The following ARID1A variants were observed in gnomAD, a reference collection of about 807,000 sequenced individuals.
The protein encoded by ARID1A is AT-rich interaction domain 1A.
A neutral mutation model predicts 212.6 loss-of-function variants in ARID1A; 20 were observed. The observed-to-expected ratio is 0.09, with a 90% CI of 0.07 to 0.14. ARID1A has a LOEUF of 0.14. ARID1A is among the 10% of genes least tolerant of loss of function. The pLI is 1.00. For synonymous variants in ARID1A, 1,376 were observed against 1,222.1 expected (o/e 1.13, Z -2.63); for missense variants, 2,587 against 3,059.0 (o/e 0.85, Z 3.64).
chr1:26,780,863 C>T lies in ARID1A; in HGVS notation c.*107C>T. ...AAAACCACCTCAGAATCCAGTTTAC[C>T]CTGTGCTGTCCAGCTTCTCCCTTGG... On this transcript the variant is annotated 3_prime_UTR_variant, in exon 20 of 20. Coordinates refer to ENST00000324856, the MANE Select transcript of ARID1A (RefSeq NM_006015.6). This position sits in a 1 kb window ranked among gnomAD's most constrained non-coding sequence, Gnocchi z 7.2. 7.0e-7 allele frequency: 1 copy of T among 1,423,346 alleles called. No homozygotes were observed. Among genetic ancestry groups the T allele is most frequent in the Non-Finnish European group, 9.4e-7 (1 of 1,065,440 alleles). The allele number at this position is 1,423,346 out of a possible 1,614,324, so 88.2% of individuals were successfully genotyped here. A position where few individuals can be genotyped will look rare whatever the true frequency, so the allele number is the denominator to read the frequency against.
rs1004894517 is a variant in ARID1A at position 26,709,647 on chromosome 1, T to A, written c.1137+12107T>A. Among the ~76,000 whole-genome samples the A allele has an allele frequency of 6.1e-5, 9 of 148,160 alleles. 1 individual carries two copies. The South Asian group carries it at 1.3e-3, about 21-fold the overall frequency. Reference sequence around the variant, plus strand: ...AATGCTTTTTTTTTTTTTTTTTTTTTAAACTAAAATTTGTTTAGAGACAGG... The same window carrying A: ...AATGCTTTTTTTTTTTTTTTTTTTTAAAACTAAAATTTGTTTAGAGACAGG... On this transcript the variant is annotated intron_variant, in intron 1 of 19. Transcript: ENST00000324856.
intron 4 of ARID1A, among the ~76,000 whole-genome samples, chr1:26,734,474 T>C (rs1313234983): frequency 6.6e-6 from 1 of 152,124 alleles, no homozygotes; most frequent in Non-Finnish European, 1.5e-5. Context: ...GGCAGCCTTT[T>C]AGGCCCAGGG....
chr1:26,716,452 A>T (rs748686675), intron 1 of ARID1A, among the ~76,000 whole-genome samples: 22 of 152,102 alleles, frequency 1.4e-4, no homozygotes, highest in Non-Finnish European at 1.9e-4. Flanking sequence ...CTGTTTTTTT[A>T]AATTTTTATT....
At chr1:26,728,333 C>G (rs2080638348) in intron 1 of ARID1A, among the ~76,000 whole-genome samples, 1 of 152,160 alleles carries the variant, frequency 6.6e-6, no homozygotes, top group South Asian at 2.1e-4. Flanking sequence ...TCTACTTCCT[C>G]TACTATAAAA....
In ARID1A at chr1:26,696,460, G is replaced by A. The variant is rs1193944607; in HGVS notation, c.57G>A (p.Pro19=). ...GCAGCCTGGGCAACCCGCCGCCGCC[G>A]CCGCCCTCGGAGCTGAAGAAAGCCG... is the stretch of plus-strand genomic sequence containing the variant. ...AASSLGNPPP[P]PPSELKKAEQ... is the part of the protein sequence containing the mutation. The change falls in exon 1 of 20, where the codon CCG becomes CCA. Residue 19 remains proline, a synonymous_variant. Transcript: ENST00000324856. 5.4e-6 allele frequency: 7 copies of A among 1,288,274 alleles called. No individual in the cohort carries two copies. In the South Asian group the frequency reaches 7.1e-5, roughly 13 times the overall value. The allele number at this position is 1,288,274 out of a possible 1,614,324, so 79.8% of individuals were successfully genotyped here. A position where few individuals can be genotyped will look rare whatever the true frequency, so the allele number is the denominator to read the frequency against.
intron 5 of ARID1A, 81 bp from the exon 6 acceptor site, chr1:26,761,302 AT>A: frequency 2.6e-6 from 4 of 1,553,890 alleles, no homozygotes; most frequent in Non-Finnish European, 3.5e-6. Context: ...TTCATGAGCC[AT>A]TTCTAGCTCT....
Position 26,781,778 on chromosome 1 carries a change from G to GT in ARID1A, c.*1023dup, listed in dbSNP as rs1408513780. 2 of 233,580 alleles carry GT rather than the reference G, an allele frequency of 8.6e-6. No individual in the cohort carries two copies. The highest frequency in any genetic ancestry group is 1.7e-5 in the Non-Finnish European group (2 of 118,060). The allele number at this position is 233,580 out of a possible 1,614,324, so 14.5% of individuals were successfully genotyped here. ...ATATCGCCCCTCTTGGTGCGATGCT[G>GT]TACAGGTCTCTGTAAAAAGTCCTTG... is the stretch of plus-strand genomic sequence containing the variant. On this transcript the variant is annotated 3_prime_UTR_variant, in exon 20 of 20. Coordinates refer to ENST00000324856, the MANE Select transcript of ARID1A (RefSeq NM_006015.6).
chr1:26,696,880 T>TGCCGTC lies in ARID1A; in HGVS notation c.482_487dup (p.Val161_Ala162dup), dbSNP rs2080268463. The TGCCGTC allele has an allele frequency of 1.5e-6, 2 of 1,358,384 alleles. No individual in the cohort carries two copies. The highest frequency in any genetic ancestry group is 3.1e-5 in the East Asian group (1 of 32,720). 84.1% of individuals were successfully genotyped at this position (1,358,384 alleles called of 1,614,324 possible). ...GGCAACCCTACGGCCGGAGCCCGTC[T>TGCCGTC]GCCGTCGCCGCCGCCGCGGCCGCCG... On this transcript the variant is annotated inframe_insertion, in exon 1 of 20. Coordinates refer to ENST00000324856, the MANE Select transcript of ARID1A (RefSeq NM_006015.6).
Position 26,780,271 on chromosome 1 carries a change from C to T in ARID1A, c.6373C>T (p.Leu2125Phe), listed in dbSNP as rs2124148416. 1 of 1,614,230 alleles carries T rather than the reference C, an allele frequency of 6.2e-7. No homozygotes were observed. Among genetic ancestry groups the T allele is most frequent in the Non-Finnish European group, 8.5e-7 (1 of 1,180,042 alleles). The stretch of plus-strand genomic sequence containing the variant: ...ACTGGTCTTGGAAACCCTCAGCAAA[C>T]TCAGCATCCAGGACAACAATGTGGA... ...QRLVLETLSK[L>F]SIQDNNVDLI... Residue 2125 changes from leucine to phenylalanine, a missense_variant, in exon 20 of 20, where the codon CTC (leucine) becomes TTC (phenylalanine). Leu to Phe is a conservative substitution (Grantham distance 22). Transcript: ENST00000324856. This position sits in a 1 kb window ranked among gnomAD's most constrained non-coding sequence, Gnocchi z 7.2.
At chr1:26,765,058 CATG>C (rs749709450) in intron 8 of ARID1A, 1 of 152,026 alleles carries the variant, frequency 6.6e-6, no homozygotes, top group Non-Finnish European at 1.5e-5. Flanking sequence ...AATAGCCAGG[CATG>C]GTGGTGGGCG....
In ARID1A at chr1:26,696,875, C is replaced by A. The variant is rs567246585; in HGVS notation, c.472C>A (p.Pro158Thr). The change falls in exon 1 of 20, where the codon CCG (proline) becomes ACG (threonine). Residue 158 changes from proline (P) to threonine (T), a missense_variant. By Grantham distance (38) the Pro-to-Thr change is conservative. Around this residue, in one of 11 missense-constraint regions of ARID1A, gnomAD observed 735 missense variants for 590.6 expected, o/e 1.24. Transcript: ENST00000324856. ...CTTCGGGCAACCCTACGGCCGGAGC[C>A]CGTCTGCCGTCGCCGCCGCCGCGGC... ...YGFGQPYGRS[P>T]SAVAAAAAAV... 1 of 1,360,256 alleles carries A rather than the reference C, an allele frequency of 7.4e-7. No homozygotes were observed. The highest frequency in any genetic ancestry group is 9.5e-7 in the Non-Finnish European group (1 of 1,057,896). The allele number at this position is 1,360,256 out of a possible 1,614,324, so 84.3% of individuals were successfully genotyped here.
At chr1:26,768,617 T>C (rs966135397) in intron 11 of ARID1A, among the ~76,000 whole-genome samples, 2 of 152,178 alleles carry the variant, frequency 1.3e-5, no homozygotes, top group Non-Finnish European at 2.9e-5. Context: ...AAATAGTTTA[T>C]AATAAAGGAA....
rs2124115296 is a variant in ARID1A at position 26,773,886 on chromosome 1, A to T, written c.4089A>T (p.Gln1363His). The change falls in exon 17 of 20, where the codon CAA becomes CAT. Residue 1363 changes from glutamine to histidine, a missense_variant. Physicochemically the swap from Gln to His is conservative, Grantham distance 24 (BLOSUM62 0). Around this residue, in one of 11 missense-constraint regions of ARID1A, gnomAD observed 890 missense variants for 1,098.2 expected, o/e 0.81. Coordinates refer to ENST00000324856, the MANE Select transcript of ARID1A (RefSeq NM_006015.6). Reference sequence around the variant, plus strand: ...CCAGCCAGCAGACTACAATGTATCAACAGCAACAGCAGGTGAGGAGGGTAG... The same window carrying T: ...CCAGCCAGCAGACTACAATGTATCATCAGCAACAGCAGGTGAGGAGGGTAG... The part of the protein sequence containing the change: ...PFPSQQTTMY[Q>H]QQQQNYKRPM... 6.2e-7 allele frequency: 1 copy of T among 1,614,164 alleles called. No individual in the cohort carries two copies. Among genetic ancestry groups the T allele is most frequent in the Non-Finnish European group, 8.5e-7 (1 of 1,179,994 alleles).
intron 4 of ARID1A, among the ~76,000 whole-genome samples, chr1:26,752,330 T>C (rs2080892190): frequency 6.6e-6 from 1 of 152,242 alleles, no homozygotes; most frequent in African/African-American, 2.4e-5. Context: ...CTCCGTGGAA[T>C]AATGTCACAG....
At chr1:26,727,911 GT>G (rs2124782399) in intron 1 of ARID1A, 1 of 152,330 alleles carries the variant, frequency 6.6e-6, no homozygotes, top group South Asian at 2.1e-4. Flanking sequence ...GAATGGTGAT[GT>G]TTTGGCTCCA....
At chr1:26,720,551 C>G (rs1239538089) in intron 1 of ARID1A, among the ~76,000 whole-genome samples, 1 of 151,964 alleles carries the variant, frequency 6.6e-6, no homozygotes, top group Non-Finnish European at 1.5e-5. Context: ...CAAATGCTCC[C>G]AGACTGGATA....
intron 11 of ARID1A, chr1:26,769,628 C>T (rs1242546257): frequency 1.3e-5 from 2 of 152,286 alleles, no homozygotes; most frequent in African/African-American, 4.8e-5. Flanking sequence ...CTCTGTGCCT[C>T]TTTAAACTCT....
chr1:26,766,155 T>A (rs2081037465), intron 8 of ARID1A, 66 bp from the exon 9 acceptor site: 3 of 1,549,240 alleles, frequency 1.9e-6, no homozygotes, highest in South Asian at 2.5e-5. Context: ...ACTATTTGGC[T>A]CCAGTTCAAA....
At chr1:26,760,761 T>G in intron 4 of ARID1A, 95 bp from the exon 5 acceptor site, 1 of 1,355,436 alleles carries the variant, frequency 7.4e-7, no homozygotes, top group Non-Finnish European at 1.0e-6. Context: ...TGCTCTTGGT[T>G]GTTTAAGGAA....
Sources: gnomAD v4.1 joint callset for allele counts (sites outside exome capture counted in the v4.1 genomes callset) on GRCh38, gnomAD v4.1.1 for gene constraint, gnomAD v4.1.1 regional missense constraint, Gnocchi (gnomAD v3.1) non-coding constraint, MANE v1.5 for transcripts, NCBI Gene and HGNC (gene_info 2026-07-23, HGNC 2026-07-21) for gene names.